The following MYLK variants were observed in gnomAD, a reference collection of about 807,000 sequenced individuals.
MYLK encodes the protein myosin light chain kinase, also known as myosin light chain kinase, smooth muscle.
In MYLK, 106 loss-of-function variants were observed where a neutral mutation model predicts 203.4. The observed-to-expected ratio is 0.52, with a 90% CI of 0.45 to 0.61. The LOEUF is 0.61. Among genes scored for constraint, MYLK ranks in the 20% least tolerant of loss-of-function variants. The probability of loss-of-function intolerance (pLI) is 0.00; values close to 1 mark genes in which losing one functional copy is unlikely to be tolerated. For missense variants in MYLK, 2,072 were observed against 2,442.3 expected, an observed-to-expected ratio of 0.85 and a Z score of 3.20; for synonymous variants, 867 against 959.5, an observed-to-expected ratio of 0.90 and a Z score of 1.78.
At chr3:123,745,528 CTTTT>C (rs1290524801) in intron 5 of MYLK, among the ~76,000 whole-genome samples, 1 of 152,210 alleles carries the variant, frequency 6.6e-6, no homozygotes, top group Non-Finnish European at 1.5e-5. Context: ...AGCACTCTTT[CTTTT>C]AAGGCTCAGA....
chr3:123,719,118 C>T (rs1356757380), intron 13 of MYLK, among the ~76,000 whole-genome samples: 1 of 152,170 alleles, frequency 6.6e-6, no homozygotes, highest in Non-Finnish European at 1.5e-5. Flanking sequence ...GAGGGCTGCA[C>T]CAGCAATCTC....
At position 123,733,811 on chromosome 3, in the gene MYLK, C is replaced by T; in HGVS notation, c.1185G>A (p.Val395=). Residue 395 remains valine, a synonymous_variant, in exon 10 of 34, where the codon GTG becomes GTA. Coordinates refer to ENST00000360304, the MANE Select transcript of MYLK (RefSeq NM_053025.4). ...RQPGLGSQDV[V]SKAANRRIPM... ...GGATTCTCCTGTTAGCAGCCTTGCT[C>T]ACAACATCTTGGCTCCCCAGGCCAG... The T allele has an allele frequency of 2.5e-6, 4 of 1,614,052 alleles. No homozygotes were observed. The highest frequency in any genetic ancestry group is 3.4e-6 in the Non-Finnish European group (4 of 1,180,032).
intron 11 of MYLK, among the ~76,000 whole-genome samples, chr3:123,726,876 A>C (rs1159126713): frequency 6.6e-6 from 1 of 152,238 alleles, no homozygotes; most frequent in Non-Finnish European, 1.5e-5. Context: ...GGTGGCTGAT[A>C]GCTGAGAAAA....
chr3:123,725,617 T>C (rs1209397849), intron 12 of MYLK, among the ~76,000 whole-genome samples: 1 of 152,182 alleles, frequency 6.6e-6, no homozygotes, highest in Non-Finnish European at 1.5e-5. Context: ...AGAAAAGAAA[T>C]CCAACTGCTC....
intron 3 of MYLK, among the ~76,000 whole-genome samples, chr3:123,821,835 T>C (rs764554511): frequency 2.0e-4 from 31 of 152,242 alleles, no homozygotes; most frequent in Non-Finnish European, 3.2e-4. Context: ...AACTTCCAGT[T>C]TGTCCAACCC....
chr3:123,786,461 A>C (rs2064529821), intron 4 of MYLK, among the ~76,000 whole-genome samples: 1 of 141,420 alleles, frequency 7.1e-6, no homozygotes, highest in South Asian at 2.4e-4. Context: ...ACCGAAAGAC[A>C]TTCAGTAAAA....
chr3:123,800,914 T>G (rs2065173849), intron 3 of MYLK, among the ~76,000 whole-genome samples: 2 of 152,214 alleles, frequency 1.3e-5, no homozygotes, highest in African/African-American at 2.4e-5. Context: ...CTTTTGTTTG[T>G]GAGTTACTGC....
In MYLK at chr3:123,744,225, T is replaced by A. The variant is rs539549775; in HGVS notation, c.374-4224A>T. ...AGAGCGAAAGTGAATTATAAAAATA[T>A]GGATTTCAATATGCAACTGTTCAAG... On this transcript the variant is annotated intron_variant, in intron 5 of 33. Coordinates refer to ENST00000360304, the MANE Select transcript of MYLK (RefSeq NM_053025.4). 5.8e-4 allele frequency among the ~76,000 whole-genome samples: 89 copies of A among 152,320 alleles called. No individual in the cohort carries two copies. The South Asian group carries it at 0.016, about 28-fold the overall frequency.
chr3:123,837,238 G>T (rs1216252415), intron 2 of MYLK, among the ~76,000 whole-genome samples: 2 of 151,960 alleles, frequency 1.3e-5, no homozygotes, highest in Non-Finnish European at 2.9e-5. Context: ...TACCATGTTG[G>T]TCAGGCTGGT....
chr3:123,793,286 C>T (rs1480555293), intron 4 of MYLK, among the ~76,000 whole-genome samples: 5 of 152,276 alleles, frequency 3.3e-5, no homozygotes, highest in Admixed American at 1.3e-4. Flanking sequence ...TCTCCTTCCA[C>T]GGAAAAAGCA....
chr3:123,715,575 C>A (rs1301644365), intron 13 of MYLK, among the ~76,000 whole-genome samples: 5 of 152,238 alleles, frequency 3.3e-5, no homozygotes, highest in Admixed American at 6.5e-5. Context: ...GAGTTAGGAG[C>A]AGTTTGCTAC....
intron 31 of MYLK, chr3:123,620,645 T>C (rs954807480): frequency 8.5e-5 from 97 of 1,142,600 alleles, no homozygotes; most frequent in Non-Finnish European, 9.7e-5. Flanking sequence ...ATAAAAGGGA[T>C]GGTTTATATA....
intron 23 of MYLK, among the ~76,000 whole-genome samples, chr3:123,658,157 A>G (rs1188101057): frequency 6.6e-6 from 1 of 152,214 alleles, no homozygotes. Flanking sequence ...TTATATACTT[A>G]AAAATTACTC....
chr3:123,799,161 G>C (rs2065100083), intron 3 of MYLK, among the ~76,000 whole-genome samples: 2 of 152,072 alleles, frequency 1.3e-5, no homozygotes, highest in Admixed American at 1.3e-4. Flanking sequence ...TCAAGAGCTG[G>C]AAACTCCCCC....
rs111621071 is a variant in MYLK, at chr3:123,771,879, A to G, written c.166-19341T>C. ...TTGAGCACTGAAAGTGAAAAACAAT[A>G]GTTGTGGGGGTACTTGAAGTGTGGT... On this transcript the variant is annotated intron_variant, in intron 4 of 33. Coordinates refer to ENST00000360304, the MANE Select transcript of MYLK (RefSeq NM_053025.4). Among the ~76,000 whole-genome samples the G allele has an allele frequency of 6.3e-3, 964 of 152,330 alleles. 13 individuals carry two copies. The highest frequency in any genetic ancestry group is 0.021 in the African/African-American group (874 of 41,582).
intron 24 of MYLK, among the ~76,000 whole-genome samples, chr3:123,651,102 A>G (rs2059197422): frequency 6.6e-6 from 1 of 152,222 alleles, no homozygotes; most frequent in Non-Finnish European, 1.5e-5. Context: ...TGTCTTAATC[A>G]GAAAAGGTGA....
At chr3:123,740,499 C>T (rs2062824949) in intron 5 of MYLK, among the ~76,000 whole-genome samples, 1 of 152,262 alleles carries the variant, frequency 6.6e-6, no homozygotes, top group Non-Finnish European at 1.5e-5. Context: ...AATCAACACT[C>T]CATTCTTCCA....
chr3:123,786,069 G>A (rs958023880), intron 4 of MYLK, among the ~76,000 whole-genome samples: 3 of 152,056 alleles, frequency 2.0e-5, no homozygotes, highest in Non-Finnish European at 2.9e-5. Flanking sequence ...TTGGGAGGCC[G>A]AGGTGGGCGG....
intron 3 of MYLK, among the ~76,000 whole-genome samples, chr3:123,829,494 C>T (rs1407888658): frequency 6.6e-6 from 1 of 152,052 alleles, no homozygotes; most frequent in Non-Finnish European, 1.5e-5. Context: ...TACAAAATTA[C>T]AGCTAGATAA....
Sources: gnomAD v4.1 joint callset for allele counts (sites outside exome capture counted in the v4.1 genomes callset) on GRCh38, gnomAD v4.1.1 for gene constraint, MANE v1.5 for transcripts, NCBI Gene and HGNC (gene_info 2026-07-23, HGNC 2026-07-21) for gene names.